Variants in HNF4A observed in about 807,000 individuals in gnomAD.
HNF4A encodes hepatocyte nuclear factor 4 alpha, also known as hepatocyte nuclear factor 4-alpha.
A neutral mutation model predicts 52.4 loss-of-function variants in HNF4A; 15 were observed. The observed-to-expected ratio is 0.29, with a 90% CI of 0.19 to 0.44. The LOEUF is 0.44. HNF4A is among the 20% of genes least tolerant of loss of function. The pLI, the probability that HNF4A is intolerant of heterozygous loss-of-function variation, is 1.00. For missense variants in HNF4A, 479 were observed against 647.2 expected, an observed-to-expected ratio of 0.74 and a Z score of 2.82; for synonymous variants, 280 against 264.4, an observed-to-expected ratio of 1.06 and a Z score of -0.57.
intron 1 of HNF4A, among the ~76,000 whole-genome samples, chr20:44,378,862 T>C (rs1230917059): frequency 6.8e-6 from 1 of 147,784 alleles, no homozygotes; most frequent in Non-Finnish European, 1.5e-5. Context: ...GAGGTTGCAG[T>C]GAGCCGAGAT....
At chr20:44,398,696 A>G (rs1165346894), upstream of HNF4A, among the ~76,000 whole-genome samples, 1 of 152,220 alleles carries the variant, frequency 6.6e-6, no homozygotes, top group Non-Finnish European at 1.5e-5. Context: ...TAAGTCAGGT[A>G]TGTCATGATT....
At chr20:44,401,838 C>T (rs965089000) in intron 1 of HNF4A, among the ~76,000 whole-genome samples, 5 of 152,180 alleles carry the variant, frequency 3.3e-5, no homozygotes, top group Non-Finnish European at 7.3e-5. Flanking sequence ...AGCGATTCAG[C>T]CCAGCACGGC....
chr20:44,405,143 G>A (rs969085347), intron 1 of HNF4A, among the ~76,000 whole-genome samples: 1 of 123,480 alleles, frequency 8.1e-6, no homozygotes, highest in South Asian at 2.7e-4. Flanking sequence ...TGGCACACAC[G>A]CTTGCATTTT....
At chr20:44,406,646 C>G (rs1024947105) in intron 2 of HNF4A, among the ~76,000 whole-genome samples, 4 of 152,196 alleles carry the variant, frequency 2.6e-5, no homozygotes, top group African/African-American at 9.7e-5. Context: ...GGGGCTTCCA[C>G]CAACCCCAAA....
intron 6 of HNF4A, among the ~76,000 whole-genome samples, chr20:44,418,928 A>C (rs1485334369): frequency 6.6e-6 from 1 of 152,062 alleles, no homozygotes; most frequent in African/African-American, 2.4e-5. Context: ...GGCGTGCACC[A>C]CCACACCCAG....
At chr20:44,384,054 T>C (rs1600666447) in intron 1 of HNF4A, among the ~76,000 whole-genome samples, 1 of 152,174 alleles carries the variant, frequency 6.6e-6, no homozygotes, top group Middle Eastern at 3.4e-3. Context: ...TTTCCTCATA[T>C]TGGTCAGGCT....
chr20:44,392,752 A>C (rs550260602), intron 1 of HNF4A, among the ~76,000 whole-genome samples: 110 of 152,250 alleles, frequency 7.2e-4, no homozygotes, highest in African/African-American at 2.5e-3. Context: ...CCAGGGAGGG[A>C]AATGACCTTG....
At chr20:44,367,445 A>T (rs980399425) in intron 1 of HNF4A, among the ~76,000 whole-genome samples, 35 of 151,922 alleles carry the variant, frequency 2.3e-4, no homozygotes, top group Middle Eastern at 3.4e-3. Context: ...AGAGATTGAG[A>T]CCATCCTGGC....
chr20:44,374,859 C>A (rs2063068853), intron 1 of HNF4A, among the ~76,000 whole-genome samples: 1 of 152,184 alleles, frequency 6.6e-6, no homozygotes, highest in Non-Finnish European at 1.5e-5. Flanking sequence ...TATACCAAAT[C>A]ATGAAATTGC....
chr20:44,402,687 G>A (rs373696706), intron 1 of HNF4A: 88 of 1,203,110 alleles, frequency 7.3e-5, no homozygotes, highest in South Asian at 5.4e-4. Context: ...CTGGAGGGAA[G>A]AGCCCCATCG....
At chr20:44,388,405 C>A (rs1355071379) in intron 1 of HNF4A, among the ~76,000 whole-genome samples, 1 of 138,614 alleles carries the variant, frequency 7.2e-6, no homozygotes, top group Non-Finnish European at 1.5e-5. Context: ...GAACAAGGTG[C>A]TGGGAACAGA....
intron 1 of HNF4A, among the ~76,000 whole-genome samples, chr20:44,368,578 T>G (rs1243990586): frequency 6.6e-6 from 1 of 152,110 alleles, no homozygotes; most frequent in Non-Finnish European, 1.5e-5. Context: ...ATGCTAGTTC[T>G]ATTTACCCCT....
At position 44,401,423 on chromosome 20, in the gene HNF4A, T is replaced by G; in HGVS notation, c.51T>G (p.Ala17=). The change falls in exon 1 of 10, where the codon GCT becomes GCG. Residue 17 remains alanine (A), a synonymous_variant. Coordinates refer to ENST00000316099, the MANE Select transcript of HNF4A (RefSeq NM_000457.6). ...ACATGGACATGGCCGACTACAGTGC[T>G]GCACTGGACCCAGCCTACACCACCC... The G allele has an allele frequency of 6.2e-7, 1 of 1,614,144 alleles. No individual in the cohort carries two copies. The highest frequency in any genetic ancestry group is 8.5e-7 in the Non-Finnish European group (1 of 1,180,012).
chr20:44,424,967 G>A (rs1004727681), intron 8 of HNF4A, among the ~76,000 whole-genome samples: 1 of 152,254 alleles, frequency 6.6e-6, no homozygotes, highest in East Asian at 1.9e-4. Context: ...ATTGTAAGGA[G>A]AGTGAAAACC....
At position 44,409,961 on chromosome 20, in the gene HNF4A, C is replaced by T. The variant is rs984355899; in HGVS notation, c.385+2486C>T. Among the ~76,000 whole-genome samples the T allele has an allele frequency of 9.9e-5, 15 of 152,176 alleles. 1 individual carries two copies. Among genetic ancestry groups the T allele is most frequent in the Admixed American group, 9.8e-4 (15 of 15,280 alleles). On this transcript the variant is annotated intron_variant, in intron 3 of 9. Coordinates refer to ENST00000316099, the MANE Select transcript of HNF4A (RefSeq NM_000457.6). ...TGAGTGATTCTCCTGCCTCAGCCTC[C>T]CAAGTAGCTGGGATTACAGGCATGT...
At chr20:44,375,125 CTGA>C (rs1330492345) in intron 1 of HNF4A, among the ~76,000 whole-genome samples, 2 of 151,010 alleles carry the variant, frequency 1.3e-5, no homozygotes, top group Admixed American at 6.6e-5. Flanking sequence ...TTGCATTTCT[CTGA>C]TGATTAGTGA....
rs1265122306 is a variant in HNF4A at position 44,376,666 on chromosome 20, G to A, written c.49+20813G>A. ...TGCCACCCTTATCAGTGGTGATCAT[G>A]GTCACCATTTGGTATTTATCATGTG... is the stretch of plus-strand genomic sequence containing the variant. On this transcript the variant is annotated intron_variant, in intron 1 of 9. Transcript: ENST00000316673. 2.0e-5 allele frequency among the ~76,000 whole-genome samples: 3 copies of A among 151,972 alleles called. No homozygotes were observed. The East Asian group carries it at 5.8e-4, about 29-fold the overall frequency.
rs1255677937 is a variant in HNF4A at position 44,430,985 on chromosome 20, T to C, written c.*1320T>C. 4 of 152,070 alleles carry C rather than the reference T, an allele frequency of 2.6e-5. No homozygotes were observed. Among genetic ancestry groups the C allele is most frequent in the Non-Finnish European group, 4.4e-5 (3 of 68,020 alleles). 9.4% of individuals were successfully genotyped at this position (152,070 alleles called of 1,614,324 possible). On this transcript the variant is annotated 3_prime_UTR_variant, in exon 10 of 10. Transcript: ENST00000316099. ...CCCTTCCTCCCTATTAACCTAGAGA[T>C]TGTTTTTGTTTTTTATTCTCCTCCT...
In HNF4A at chr20:44,432,614, G is replaced by T. The variant is rs1206221922; in HGVS notation, c.*2949G>T. ...CTTTTGCCAAATTTTTCTGTGATCTGCCCTGATTAAGATGAATTGTGAAAT... is the reference window on the plus strand; with the variant it reads ...CTTTTGCCAAATTTTTCTGTGATCTTCCCTGATTAAGATGAATTGTGAAAT... On this transcript the variant is annotated 3_prime_UTR_variant, in exon 10 of 10. Coordinates refer to ENST00000316099, the MANE Select transcript of HNF4A (RefSeq NM_000457.6). The T allele has an allele frequency of 6.6e-6, 1 of 151,958 alleles. No individual in the cohort carries two copies. Among genetic ancestry groups the T allele is most frequent in the Admixed American group, 6.5e-5 (1 of 15,268 alleles). 9.4% of individuals were successfully genotyped at this position (151,958 alleles called of 1,614,324 possible).
Sources: allele counts gnomAD v4.1 joint callset (sites outside exome capture counted in the v4.1 genomes callset), GRCh38; gene constraint gnomAD v4.1.1; transcripts MANE v1.5; gene names NCBI Gene and HGNC (gene_info 2026-07-23, HGNC 2026-07-21).